RAPGEF4: variants seen among roughly 807,000 people sequenced by gnomAD.
The protein encoded by RAPGEF4 is RAP guanine-nucleotide-exchange factor (GEF) 4.
A neutral mutation model predicts 147.9 loss-of-function variants in RAPGEF4; 66 were observed. That is an observed-to-expected ratio of 0.45 (90% confidence interval 0.37 to 0.55). RAPGEF4 has a LOEUF of 0.55. Ranked by LOEUF, RAPGEF4 falls within the 20% of genes least tolerant of loss-of-function variation. RAPGEF4 has a pLI of 0.00. For synonymous variants in RAPGEF4, 419 were observed against 442.7 expected (o/e 0.95, Z 0.67); for missense variants, 1,071 against 1,257.3 (o/e 0.85, Z 2.24).
At chr2:173,010,634 TC>T (rs1214141228) in intron 17 of RAPGEF4, among the ~76,000 whole-genome samples, 1 of 152,190 alleles carries the variant, frequency 6.6e-6, no homozygotes, top group Non-Finnish European at 1.5e-5. Context: ...ATATAGTTTT[TC>T]CCCCTTCCTA....
At chr2:173,050,482 T>A (rs534129814) in intron 30 of RAPGEF4, among the ~76,000 whole-genome samples, 1 of 152,118 alleles carries the variant, frequency 6.6e-6, no homozygotes, top group Non-Finnish European at 1.5e-5. Context: ...ATTCTAATTG[T>A]CTTTGGGAGT....
chr2:173,014,833 C>A (rs1011224970), intron 18 of RAPGEF4, among the ~76,000 whole-genome samples: 1 of 152,164 alleles, frequency 6.6e-6, no homozygotes, highest in African/African-American at 2.4e-5. Context: ...CATGTATTTT[C>A]ATCTAGTCTC....
At chr2:172,967,547 TC>T in intron 10 of RAPGEF4, 103 bp downstream of exon 10, 1 of 1,235,320 alleles carries the variant, frequency 8.1e-7, no homozygotes, top group Non-Finnish European at 1.1e-6. Context: ...GCCCTGGCCA[TC>T]CCCCATGGAA....
chr2:173,005,529 T>TTG (rs1559178813), intron 17 of RAPGEF4, among the ~76,000 whole-genome samples: 1 of 128,670 alleles, frequency 7.8e-6, no homozygotes, highest in Non-Finnish European at 1.6e-5. Context: ...TGTTTTTTTT[T>TTG]TTTTTTTTTT....
chr2:172,897,472 T>C (rs1250201758), intron 4 of RAPGEF4, among the ~76,000 whole-genome samples: 1 of 152,076 alleles, frequency 6.6e-6, no homozygotes, highest in Non-Finnish European at 1.5e-5. Flanking sequence ...AATCATGGCT[T>C]ACGGCAGCCT....
intron 1 of RAPGEF4, among the ~76,000 whole-genome samples, chr2:172,759,031 T>C (rs1007362762): frequency 4.6e-5 from 7 of 152,220 alleles, no homozygotes; most frequent in Non-Finnish European, 1.0e-4. Flanking sequence ...AAAGGGAATG[T>C]CAACCGTGTT....
chr2:172,761,862 G>A (rs554074339), intron 1 of RAPGEF4, among the ~76,000 whole-genome samples: 88 of 152,140 alleles, frequency 5.8e-4, no homozygotes, highest in African/African-American at 2.0e-3. Flanking sequence ...GGTGGCTCAT[G>A]CCTGTAATCC....
chr2:172,780,804 C>T (rs111343975), intron 1 of RAPGEF4, among the ~76,000 whole-genome samples: 1 of 152,230 alleles, frequency 6.6e-6, no homozygotes, highest in African/African-American at 2.4e-5. Flanking sequence ...TAATTTTACA[C>T]ATGTGCAAGA....
chr2:172,778,879 C>T (rs1014165290), intron 1 of RAPGEF4, among the ~76,000 whole-genome samples: 2 of 152,064 alleles, frequency 1.3e-5, no homozygotes, highest in East Asian at 3.8e-4. Context: ...AAAATCACTA[C>T]CAATATTCAT....
At chr2:172,900,961 AT>A (rs899769156) in intron 4 of RAPGEF4, among the ~76,000 whole-genome samples, 4 of 151,524 alleles carry the variant, frequency 2.6e-5, no homozygotes, top group Admixed American at 6.6e-5. Flanking sequence ...CACATACATT[AT>A]TTTTTTTTCA....
chr2:172,775,959 G>A (rs1443376975), intron 1 of RAPGEF4, among the ~76,000 whole-genome samples: 2 of 152,122 alleles, frequency 1.3e-5, no homozygotes, highest in African/African-American at 4.8e-5. Flanking sequence ...GAGCCATGAA[G>A]AGTACTTTAT....
At chr2:172,884,751 T>G (rs974439514) in intron 4 of RAPGEF4, among the ~76,000 whole-genome samples, 5 of 152,218 alleles carry the variant, frequency 3.3e-5, no homozygotes, top group Admixed American at 1.3e-4. Flanking sequence ...TTGAACATGG[T>G]CCCTGTGATA....
At chr2:172,749,079 GC>G (rs1349582996) in intron 1 of RAPGEF4, among the ~76,000 whole-genome samples, 1 of 152,234 alleles carries the variant, frequency 6.6e-6, no homozygotes, top group Non-Finnish European at 1.5e-5. Context: ...CTTCCCTGCT[GC>G]TTTTAGGGGC....
chr2:172,935,357 C>G (rs1686446976), intron 6 of RAPGEF4, among the ~76,000 whole-genome samples: 1 of 152,138 alleles, frequency 6.6e-6, no homozygotes, highest in Non-Finnish European at 1.5e-5. Flanking sequence ...TCTGGCTGGC[C>G]TATGGTGGGT....
intron 4 of RAPGEF4, among the ~76,000 whole-genome samples, chr2:172,827,090 GT>G: frequency 6.6e-6 from 1 of 152,104 alleles, no homozygotes; most frequent in Non-Finnish European, 1.5e-5. Flanking sequence ...TCACCAAAAA[GT>G]TTCATCATAC....
At position 172,967,458 on chromosome 2, in the gene RAPGEF4, C is replaced by G. The variant is rs372986756; in HGVS notation, c.1004+14C>G. On this transcript the variant is annotated intron_variant, in intron 10 of 30. Coordinates refer to ENST00000397081, the MANE Select transcript of RAPGEF4 (RefSeq NM_007023.4). ...CCTTCGCAAACCGTGAGTGAGAGCTCGTGGCTCACCCCTCCAGGTCCCAAG... is the reference window on the plus strand; with the variant it reads ...CCTTCGCAAACCGTGAGTGAGAGCTGGTGGCTCACCCCTCCAGGTCCCAAG... 1 of 1,605,418 alleles carries G rather than the reference C, an allele frequency of 6.2e-7. No homozygotes were observed. The highest frequency in any genetic ancestry group is 2.2e-5 in the East Asian group (1 of 44,702).
Position 172,822,385 on chromosome 2 carries a change from G to C in RAPGEF4, c.444+7960G>C, listed in dbSNP as rs191803392. ...TTCAAGGAAACAGATTGTGGGTGAT[G>C]GTATTTCACCCTCCAGGCCCCTGGA... On this transcript the variant is annotated intron_variant, in intron 4 of 30. Transcript: ENST00000397081. 3.8e-3 allele frequency among the ~76,000 whole-genome samples: 578 copies of C among 152,298 alleles called. 3 individuals are homozygous for C. The highest frequency in any genetic ancestry group is 0.027 in the South Asian group (130 of 4,826).
chr2:172,877,510 A>G (rs1466961730), intron 4 of RAPGEF4, among the ~76,000 whole-genome samples: 3 of 151,216 alleles, frequency 2.0e-5, no homozygotes, highest in African/African-American at 7.3e-5. Context: ...TTGCACATGT[A>G]TCTCAGAACT....
At chr2:172,859,942 G>A (rs1304984262) in intron 4 of RAPGEF4, 9 of 802,500 alleles carry the variant, frequency 1.1e-5, no homozygotes, top group Non-Finnish European at 1.4e-5. Flanking sequence ...AGAATAAACA[G>A]TGGAATCCTT....
Sources: allele counts gnomAD v4.1 joint callset (sites outside exome capture counted in the v4.1 genomes callset), GRCh38; gene constraint gnomAD v4.1.1; transcripts MANE v1.5; gene names NCBI Gene and HGNC (gene_info 2026-07-23, HGNC 2026-07-21).